The following TRPC5 variants were observed in gnomAD, a reference collection of about 807,000 sequenced individuals.
The protein encoded by TRPC5 is short transient receptor potential channel 5.
A neutral mutation model predicts 56.5 loss-of-function variants in TRPC5; 9 were observed. That is an observed-to-expected ratio of 0.16 (90% CI 0.10 to 0.28). The LOEUF is 0.28. TRPC5 is among the 10% of genes least tolerant of loss of function. The pLI is 1.00. For missense variants in TRPC5, 469 were observed against 748.9 expected, an observed-to-expected ratio of 0.63 and a Z score of 4.36; for synonymous variants, 282 against 278.5, an observed-to-expected ratio of 1.01 and a Z score of -0.13.
chrX:111,837,310 GC>G (rs202019118), intron 6 of TRPC5, among the ~76,000 whole-genome samples: 9,960 of 110,959 alleles, frequency 0.09, 1,009 homozygotes, highest in African/African-American at 0.29. Flanking sequence ...AAGTAATCTG[GC>G]CCCTGCTAGG....
At chrX:112,061,341 T>C (rs1461677528) in intron 1 of TRPC5, among the ~76,000 whole-genome samples, 2 of 111,800 alleles carry the variant, frequency 1.8e-5, no homozygotes, top group East Asian at 5.6e-4. Context: ...GGGGGTATCC[T>C]TGGAGATGGT....
At chrX:111,977,310 A>G (rs1927957473) in intron 1 of TRPC5, among the ~76,000 whole-genome samples, 1 of 111,565 alleles carries the variant, frequency 9.0e-6, no homozygotes, top group African/African-American at 3.2e-5. Context: ...TAGAACAGAT[A>G]ACCAAAAAAT....
At chrX:111,909,263 G>A (rs945330219) in intron 3 of TRPC5, among the ~76,000 whole-genome samples, 1 of 108,316 alleles carries the variant, frequency 9.2e-6, no homozygotes, top group Admixed American at 9.9e-5. Context: ...CCAGGAGTCG[G>A]AGGTTGCAGT....
Position 111,779,082 on chromosome X carries a change from T to C in TRPC5, c.2143-8A>G. 1 of 1,164,828 alleles carries C rather than the reference T, an allele frequency of 8.6e-7. No individual in the cohort carries two copies. The highest frequency in any genetic ancestry group is 1.2e-6 in the Non-Finnish European group (1 of 858,829). ...TAAATTCCTGATAACTTCCTGGAAT[T>C]ACAAAACATGAAGAAGCATTCAGTC... On this transcript the variant is annotated splice_region_variant and splice_polypyrimidine_tract_variant and intron_variant, in intron 9 of 10. Coordinates refer to ENST00000262839, the MANE Select transcript of TRPC5 (RefSeq NM_012471.3).
At chrX:111,999,326 G>A (rs1928634796) in intron 1 of TRPC5, among the ~76,000 whole-genome samples, 1 of 111,562 alleles carries the variant, frequency 9.0e-6, no homozygotes, top group Non-Finnish European at 1.9e-5. Context: ...TCCATGAGAT[G>A]AATTTTTTTT....
At chrX:112,050,301 C>A (rs1390011654) in intron 1 of TRPC5, among the ~76,000 whole-genome samples, 2 of 112,810 alleles carry the variant, frequency 1.8e-5, no homozygotes, top group African/African-American at 6.4e-5. Context: ...CTGAAGGAAC[C>A]CATGTTGGGC....
At chrX:112,064,772 T>C (rs1453380231) in intron 1 of TRPC5, among the ~76,000 whole-genome samples, 1 of 112,351 alleles carries the variant, frequency 8.9e-6, no homozygotes, top group Non-Finnish European at 1.9e-5. Context: ...ATGATCTGTG[T>C]GAGTTTAAAA....
intron 1 of TRPC5, among the ~76,000 whole-genome samples, chrX:112,048,515 G>C (rs1443364830): frequency 9.1e-6 from 1 of 109,735 alleles, no homozygotes; most frequent in Non-Finnish European, 1.9e-5. Flanking sequence ...CATGGACCCT[G>C]AGATGCCACA....
At position 111,779,009 on chromosome X, in the gene TRPC5, C is replaced by A; in HGVS notation, c.2208G>T (p.Glu736Asp). The A allele has an allele frequency of 8.3e-7, 1 of 1,202,179 alleles. No homozygotes were observed. Among genetic ancestry groups the A allele is most frequent in the South Asian group, 1.8e-5 (1 of 54,811 alleles). The change falls in exon 10 of 11, where the codon GAG (glutamate) becomes GAT (aspartate). Residue 736 changes from glutamate to aspartate, a missense_variant. This residue lies in a region of TRPC5 where 194 missense variants were observed against 221.8 expected (regional missense o/e 0.87). Transcript: ENST00000262839. ...AAMIRNSKTH[E>D]GLTEENFKEL... ...CCTTAAAATTTTCTTCTGTAAGTCC[C>A]TCATGTGTTTTGGAATTTCTTATCA...
At chrX:111,842,612 A>G (rs759453284) in intron 6 of TRPC5, among the ~76,000 whole-genome samples, 9 of 112,453 alleles carry the variant, frequency 8.0e-5, no homozygotes, top group Non-Finnish European at 1.5e-4. Flanking sequence ...CATGCTTCTT[A>G]GATCTTCAGA....
intron 1 of TRPC5, among the ~76,000 whole-genome samples, chrX:111,961,655 A>T (rs1927384274): frequency 8.9e-6 from 1 of 112,314 alleles, no homozygotes; most frequent in Non-Finnish European, 1.9e-5. Context: ...GCTGAGAGAG[A>T]TATTTCTGTA....
chrX:112,031,063 C>G (rs1929574034), intron 1 of TRPC5, among the ~76,000 whole-genome samples: 1 of 111,637 alleles, frequency 9.0e-6, no homozygotes, highest in African/African-American at 3.3e-5. Flanking sequence ...GCTCTACAAC[C>G]TAATGTCTAT....
At chrX:111,860,249 G>A (rs1348359337) in intron 3 of TRPC5, among the ~76,000 whole-genome samples, 1 of 110,676 alleles carries the variant, frequency 9.0e-6, no homozygotes, top group African/African-American at 3.3e-5. Flanking sequence ...ACTAGGCAGA[G>A]AGAAACAAAC....
intron 3 of TRPC5, among the ~76,000 whole-genome samples, chrX:111,875,572 C>CTTT (rs771241425): frequency 0.018 from 1,301 of 70,359 alleles, 47 homozygotes; most frequent in African/African-American, 0.073. Flanking sequence ...TTTTTTCTTT[C>CTTT]TTTTTTTTTT....
At chrX:111,845,136 G>A (rs1922889967) in intron 6 of TRPC5, among the ~76,000 whole-genome samples, 2 of 110,941 alleles carry the variant, frequency 1.8e-5, no homozygotes, top group African/African-American at 3.3e-5. Context: ...TACTCAGGAG[G>A]CTGAGGCACA....
At chrX:111,827,081 C>G (rs1922260637) in intron 7 of TRPC5, among the ~76,000 whole-genome samples, 1 of 111,365 alleles carries the variant, frequency 9.0e-6, no homozygotes, top group Admixed American at 9.6e-5. Context: ...CCAGACAGTA[C>G]CACTTACTAG....
chrX:111,801,142 CAT>C (rs2148560049), intron 7 of TRPC5, among the ~76,000 whole-genome samples: 1 of 112,233 alleles, frequency 8.9e-6, no homozygotes, highest in Non-Finnish European at 1.9e-5. Flanking sequence ...TAAATGGAAT[CAT>C]AAAATATTGG....
rs1226378515 is a variant in TRPC5 at position 111,770,119 on chromosome X, A to C, written c.*6194T>G. Among the ~76,000 whole-genome samples, 1 of 111,904 alleles carries C rather than the reference A, an allele frequency of 8.9e-6. No homozygotes were observed. The highest frequency in any genetic ancestry group is 3.2e-5 in the African/African-American group (1 of 30,778). On this transcript the variant is annotated 3_prime_UTR_variant, in exon 11 of 11. Transcript: ENST00000262839. ...ATTATCCTATTTTATGTTTATTCCA[A>C]ATTTATGAGGCTAAAAGATGACAGC... is the stretch of plus-strand genomic sequence containing the variant.
chrX:111,936,019 T>C (rs765088760), intron 2 of TRPC5, among the ~76,000 whole-genome samples: 2 of 112,295 alleles, frequency 1.8e-5, no homozygotes, highest in South Asian at 7.4e-4. Context: ...CATTGGTATT[T>C]GCATTTAATC....
Sources: allele counts gnomAD v4.1 joint callset (sites outside exome capture counted in the v4.1 genomes callset), GRCh38; gene constraint gnomAD v4.1.1; regional missense constraint gnomAD v4.1.1; transcripts MANE v1.5; gene names NCBI Gene and HGNC (gene_info 2026-07-23, HGNC 2026-07-21).